NOL4: variants seen among roughly 807,000 people sequenced by gnomAD.
NOL4 encodes cancer/testis antigen 125.
A neutral mutation model predicts 75.9 loss-of-function variants in NOL4; 17 were observed. That is an observed-to-expected ratio of 0.22 (90% CI 0.15 to 0.34). The LOEUF (loss-of-function observed/expected upper bound fraction) is 0.34. Among genes scored for constraint, NOL4 ranks in the 10% least tolerant of loss-of-function variants. The pLI is 1.00. For missense variants in NOL4, 614 were observed against 793.5 expected (o/e 0.77, Z 2.72); for synonymous variants, 292 against 289.9 (o/e 1.01, Z -0.07).
intron 5 of NOL4, among the ~76,000 whole-genome samples, chr18:34,024,844 G>A (rs1291080318): frequency 6.6e-6 from 1 of 152,140 alleles, no homozygotes; most frequent in Admixed American, 6.6e-5. Context: ...ATCCATGTGG[G>A]CACTAAAACC....
chr18:34,034,116 T>C (rs1264076394), intron 5 of NOL4, among the ~76,000 whole-genome samples: 1 of 152,090 alleles, frequency 6.6e-6, no homozygotes, highest in Non-Finnish European at 1.5e-5. Context: ...TACTCACTGG[T>C]AAAGCAAACA....
At chr18:34,014,370 A>G (rs1471117786) in intron 6 of NOL4, among the ~76,000 whole-genome samples, 1 of 152,018 alleles carries the variant, frequency 6.6e-6, no homozygotes, top group Non-Finnish European at 1.5e-5. Context: ...TGCCCACCGC[A>G]GTCCTTATTG....
At chr18:33,885,962 TA>T (rs2064618583) in intron 9 of NOL4, among the ~76,000 whole-genome samples, 1 of 152,166 alleles carries the variant, frequency 6.6e-6, no homozygotes, top group Non-Finnish European at 1.5e-5. Context: ...ATGTGGTACA[TA>T]TACACAATGG....
intron 1 of NOL4, chr18:34,222,283 C>T: frequency 7.6e-7 from 1 of 1,320,642 alleles, no homozygotes; most frequent in Non-Finnish European, 9.6e-7. Flanking sequence ...ACCCATCTTT[C>T]TTTGTTGTTC....
intron 6 of NOL4, among the ~76,000 whole-genome samples, chr18:33,986,487 G>A (rs967336032): frequency 5.9e-5 from 9 of 152,082 alleles, no homozygotes; most frequent in Admixed American, 5.9e-4. Context: ...AGGACTGAGA[G>A]GATCAGCACA....
At chr18:33,853,699 G>A (rs2062718259) in intron 10 of NOL4, among the ~76,000 whole-genome samples, 1 of 151,958 alleles carries the variant, frequency 6.6e-6, no homozygotes, top group Non-Finnish European at 1.5e-5. Context: ...TGCAATAAGT[G>A]ATTACTGCAA....
chr18:34,152,687 A>G (rs1048307212), intron 1 of NOL4, among the ~76,000 whole-genome samples: 1 of 151,890 alleles, frequency 6.6e-6, no homozygotes, highest in Non-Finnish European at 1.5e-5. Context: ...AGGCAATACA[A>G]TAATAGCTTC....
chr18:33,886,923 T>C (rs930246538), intron 9 of NOL4, among the ~76,000 whole-genome samples: 1 of 113,854 alleles, frequency 8.8e-6, no homozygotes, highest in Admixed American at 9.0e-5. Flanking sequence ...TATATACATA[T>C]ATATCTATAT....
chr18:34,047,510 A>C (rs1297492561), intron 5 of NOL4, among the ~76,000 whole-genome samples: 1 of 152,158 alleles, frequency 6.6e-6, no homozygotes, highest in Non-Finnish European at 1.5e-5. Context: ...ATACCCATTG[A>C]TAGTCATAAA....
chr18:33,897,208 G>C (rs2065463153), intron 9 of NOL4, among the ~76,000 whole-genome samples: 1 of 152,132 alleles, frequency 6.6e-6, no homozygotes, highest in African/African-American at 2.4e-5. Flanking sequence ...GCAGTATGGT[G>C]ATTCCTCAAA....
intron 9 of NOL4, among the ~76,000 whole-genome samples, chr18:33,894,546 T>C (rs1044156696): frequency 1.3e-5 from 2 of 152,094 alleles, no homozygotes; most frequent in Non-Finnish European, 1.5e-5. Flanking sequence ...AGACAACCAA[T>C]GACAAGCTTT....
intron 5 of NOL4, among the ~76,000 whole-genome samples, chr18:34,062,621 C>T (rs1460106802): frequency 1.3e-5 from 2 of 151,930 alleles, no homozygotes; most frequent in Non-Finnish European, 2.9e-5. Flanking sequence ...GGTTTGAATG[C>T]AGAATGTGTT....
chr18:34,122,376 G>A (rs2080182194), intron 2 of NOL4, among the ~76,000 whole-genome samples: 1 of 151,882 alleles, frequency 6.6e-6, no homozygotes, highest in Admixed American at 6.6e-5. Context: ...GTTATCCATA[G>A]GTCACTAAGG....
intron 1 of NOL4, among the ~76,000 whole-genome samples, chr18:34,164,828 C>T (rs1236959879): frequency 6.6e-6 from 1 of 151,816 alleles, no homozygotes; most frequent in African/African-American, 2.4e-5. Context: ...ATAGCAAAGA[C>T]TTGGAACCAA....
At chr18:34,099,669 C>A (rs1427892097) in intron 4 of NOL4, among the ~76,000 whole-genome samples, 2 of 152,008 alleles carry the variant, frequency 1.3e-5, no homozygotes, top group Non-Finnish European at 2.9e-5. Flanking sequence ...TATTTATCAC[C>A]CCTTGATTCT....
chr18:33,863,071 C>T (rs1349873478), intron 10 of NOL4, among the ~76,000 whole-genome samples: 1 of 152,168 alleles, frequency 6.6e-6, no homozygotes. Flanking sequence ...CACATATACA[C>T]CATGGAATAC....
intron 6 of NOL4, among the ~76,000 whole-genome samples, chr18:33,982,505 A>G (rs866103934): frequency 3.9e-5 from 6 of 152,182 alleles, no homozygotes; most frequent in Admixed American, 2.0e-4. Context: ...TTCTCCAAGA[A>G]GACAGAACAA....
intron 2 of NOL4, among the ~76,000 whole-genome samples, chr18:34,110,054 G>A (rs1252389482): frequency 7.2e-6 from 1 of 139,036 alleles, no homozygotes; most frequent in Non-Finnish European, 1.5e-5. Context: ...CGGCTTCACT[G>A]GTAAATTCTA....
At chr18:34,063,929 G>T (rs1378333064) in intron 5 of NOL4, among the ~76,000 whole-genome samples, 1 of 151,882 alleles carries the variant, frequency 6.6e-6, no homozygotes, top group African/African-American at 2.4e-5. Context: ...CTTTTATTAT[G>T]ATTACACCAC....
Sources: allele counts gnomAD v4.1 joint callset (sites outside exome capture counted in the v4.1 genomes callset), GRCh38; gene constraint gnomAD v4.1.1; transcripts MANE v1.5; gene names NCBI Gene and HGNC (gene_info 2026-07-23, HGNC 2026-07-21).